RABGAP1L: variants seen among roughly 807,000 people sequenced by gnomAD.
The protein encoded by RABGAP1L is RAB GTPase activating protein 1 like.
RABGAP1L carries 63 observed loss-of-function variants against 137.7 expected under a neutral mutation model. That is an observed-to-expected ratio of 0.46 (90% CI 0.37 to 0.56). The LOEUF is 0.56. Ranked by LOEUF, RABGAP1L falls within the 20% of genes least tolerant of loss-of-function variation. RABGAP1L has a pLI of 0.00. For missense variants in RABGAP1L, 1,095 were observed against 1,244.0 expected (o/e 0.88, Z 1.80); for synonymous variants, 431 against 433.7 (o/e 0.99, Z 0.08).
At chr1:174,446,336 A>G (rs745763189) in intron 13 of RABGAP1L, among the ~76,000 whole-genome samples, 3 of 152,196 alleles carry the variant, frequency 2.0e-5, no homozygotes, top group Non-Finnish European at 4.4e-5. Context: ...GCTATTATAA[A>G]AGAAGAAGGA....
chr1:174,195,798 TTTCTTTCTTTCTATCC>T (rs199954165), intron 1 of RABGAP1L, among the ~76,000 whole-genome samples: 10,357 of 128,476 alleles, frequency 0.081, 639 homozygotes, highest in East Asian at 0.19. Context: ...TCTTTCTTTC[TTTCTTTCTTTCTATCC>T]TTCTTTCTTT....
At chr1:174,368,516 T>C (rs947213821) in intron 11 of RABGAP1L, among the ~76,000 whole-genome samples, 1 of 152,236 alleles carries the variant, frequency 6.6e-6, no homozygotes, top group South Asian at 2.1e-4. Context: ...ATACGTTTCA[T>C]TGTTTTAATT....
intron 17 of RABGAP1L, among the ~76,000 whole-genome samples, chr1:174,712,897 C>T (rs377551952): frequency 3.8e-4 from 58 of 152,280 alleles, no homozygotes; most frequent in African/African-American, 1.1e-3. Flanking sequence ...TTCCTCCCAA[C>T]GTCCAGCCGC....
intron 13 of RABGAP1L, among the ~76,000 whole-genome samples, chr1:174,414,177 T>G (rs904683687): frequency 6.6e-6 from 1 of 152,146 alleles, no homozygotes; most frequent in Non-Finnish European, 1.5e-5. Flanking sequence ...TTAATTTTTT[T>G]GATATTTCTA....
chr1:174,814,208 G>A (rs887470623), intron 19 of RABGAP1L, among the ~76,000 whole-genome samples: 1 of 152,054 alleles, frequency 6.6e-6, no homozygotes. Context: ...GGGAAGTGCT[G>A]GGTACAACCA....
At chr1:174,568,117 G>A (rs967826761) in intron 13 of RABGAP1L, among the ~76,000 whole-genome samples, 20 of 152,142 alleles carry the variant, frequency 1.3e-4, no homozygotes, top group African/African-American at 4.6e-4. Flanking sequence ...GAAGCTTTCA[G>A]TCATGGCAGA....
intron 13 of RABGAP1L, chr1:174,545,780 A>G (rs1460375611): frequency 6.6e-6 from 1 of 152,200 alleles, no homozygotes; most frequent in East Asian, 1.9e-4. Context: ...AATTTTGTAG[A>G]AGTTACCTAA....
At chr1:174,525,492 A>G (rs1663795513) in intron 13 of RABGAP1L, among the ~76,000 whole-genome samples, 1 of 152,008 alleles carries the variant, frequency 6.6e-6, no homozygotes, top group African/African-American at 2.4e-5. Flanking sequence ...TTGATTTTGT[A>G]TTCTGCAACT....
At chr1:174,621,617 T>A (rs543444598) in intron 13 of RABGAP1L, among the ~76,000 whole-genome samples, 1 of 152,172 alleles carries the variant, frequency 6.6e-6, no homozygotes, top group African/African-American at 2.4e-5. Flanking sequence ...ATTCCCTATT[T>A]AATAAATGGT....
In RABGAP1L at chr1:174,899,786, AT is replaced by A. The variant is rs1039619744; in HGVS notation, c.2341-57665del. Among the ~76,000 whole-genome samples the A allele has an allele frequency of 1.5e-4, 23 of 152,220 alleles. 1 individual carries two copies. Among genetic ancestry groups the A allele is most frequent in the African/African-American group, 5.3e-4 (22 of 41,534 alleles). On this transcript the variant is annotated intron_variant, in intron 19 of 25. Transcript: ENST00000681986. ...TGTCATTATAAAGGTAATATAGAAA[AT>A]TTTTTAAGCATAGAAAATGAAGAAG... is the stretch of plus-strand genomic sequence containing the variant.
intron 17 of RABGAP1L, among the ~76,000 whole-genome samples, chr1:174,727,674 G>A (rs1682105170): frequency 6.6e-6 from 1 of 152,148 alleles, no homozygotes; most frequent in African/African-American, 2.4e-5. Flanking sequence ...AGAATAAAAG[G>A]TTCTGTGTCT....
chr1:174,888,021 A>G (rs1377729648), intron 19 of RABGAP1L, among the ~76,000 whole-genome samples: 1 of 152,110 alleles, frequency 6.6e-6, no homozygotes, highest in African/African-American at 2.4e-5. Flanking sequence ...TGGGGGACAG[A>G]GCGAGACTTC....
intron 17 of RABGAP1L, among the ~76,000 whole-genome samples, chr1:174,741,173 G>A (rs183637367): frequency 1.1e-3 from 161 of 151,460 alleles, no homozygotes; most frequent in Admixed American, 5.4e-3. Context: ...ACCAGGAGAG[G>A]GTTCCCTAGA....
chr1:174,987,630 A>T (rs889634952), intron 24 of RABGAP1L, among the ~76,000 whole-genome samples: 4 of 152,176 alleles, frequency 2.6e-5, no homozygotes, highest in Admixed American at 2.6e-4. Context: ...GGGCACGGTG[A>T]TGGACACATT....
chr1:174,947,502 C>T (rs573916326), intron 19 of RABGAP1L, among the ~76,000 whole-genome samples: 121 of 152,122 alleles, frequency 8.0e-4, no homozygotes, highest in Non-Finnish European at 1.3e-3. Flanking sequence ...ACTGCAGCCT[C>T]AGCCTCCTGG....
At chr1:174,334,702 C>G (rs1047120663) in intron 11 of RABGAP1L, among the ~76,000 whole-genome samples, 3 of 152,116 alleles carry the variant, frequency 2.0e-5, no homozygotes, top group Non-Finnish European at 4.4e-5. Context: ...CTTTCTCTCC[C>G]CTTTTTCCAG....
chr1:174,911,871 G>C (rs1339094327), intron 19 of RABGAP1L, among the ~76,000 whole-genome samples: 2 of 152,158 alleles, frequency 1.3e-5, no homozygotes, highest in African/African-American at 2.4e-5. Context: ...ACTGTGTTCT[G>C]TTCTGTAGAT....
chr1:174,696,933 T>C (rs1387586879), intron 15 of RABGAP1L, among the ~76,000 whole-genome samples: 2 of 152,222 alleles, frequency 1.3e-5, no homozygotes, highest in Non-Finnish European at 2.9e-5. Context: ...GAAGGATGAT[T>C]GCTATTTGGC....
rs145475637 is a variant in RABGAP1L at position 174,885,414 on chromosome 1, A to C, written c.2341-72043A>C. Among the ~76,000 whole-genome samples, 1,220 of 152,326 alleles carry C rather than the reference A, an allele frequency of 8.0e-3. 10 individuals carry two copies. Among genetic ancestry groups the C allele is most frequent in the African/African-American group, 0.027 (1,125 of 41,572 alleles). On this transcript the variant is annotated intron_variant, in intron 19 of 25. Transcript: ENST00000681986. ...TTCTTTTATTATTTATGAATGAATG[A>C]GACAAGGTCTGTCGCTCACTGCTGC... is the stretch of plus-strand genomic sequence containing the variant.
Sources: gnomAD v4.1 joint callset for allele counts (sites outside exome capture counted in the v4.1 genomes callset) on GRCh38, gnomAD v4.1.1 for gene constraint, MANE v1.5 for transcripts, NCBI Gene and HGNC (gene_info 2026-07-23, HGNC 2026-07-21) for gene names.